Variants in SEM1 observed in about 807,000 individuals in gnomAD.
The protein encoded by SEM1 is 26S proteasome complex subunit SEM1.
A neutral mutation model predicts 12.7 loss-of-function variants in SEM1; 3 were observed. The ratio of observed to expected loss-of-function variants is 0.24; its 90% CI spans 0.11 to 0.61. The LOEUF (loss-of-function observed/expected upper bound fraction) is 0.61. Ranked by LOEUF, SEM1 falls within the 20% of genes least tolerant of loss-of-function variation. The probability of loss-of-function intolerance (pLI) is 0.88; values close to 1 mark genes in which losing one functional copy is unlikely to be tolerated. For synonymous variants in SEM1, 30 were observed against 27.8 expected, an observed-to-expected ratio of 1.08 and a Z score of -0.25; for missense variants, 59 against 81.3, an observed-to-expected ratio of 0.73 and a Z score of 1.06.
At chr7:96,515,156 A>G (rs1370911988) in intron 2 of SEM1, among the ~76,000 whole-genome samples, 1 of 152,186 alleles carries the variant, frequency 6.6e-6, no homozygotes, top group Non-Finnish European at 1.5e-5. Context: ...CAGTCTTTCA[A>G]CAAATGGTGC....
intron 2 of SEM1, among the ~76,000 whole-genome samples, chr7:96,557,821 T>C (rs893527426): frequency 6.6e-6 from 1 of 152,078 alleles, no homozygotes; most frequent in Admixed American, 6.6e-5. Context: ...GATCTCAGAC[T>C]GCTGTGCTAG....
In SEM1 at chr7:96,709,110, C is replaced by G. The variant is rs76972038; in HGVS notation, c.76+578G>C. ...GATTACAGGCGTGAGCCACCACACC[C>G]GGCAAGTTTTAGGGTCTTATAAAGC... is the stretch of plus-strand genomic sequence containing the variant. On this transcript the variant is annotated intron_variant, in intron 1 of 2. Transcript: ENST00000248566. Among the ~76,000 whole-genome samples, 205 of 152,226 alleles carry G rather than the reference C, an allele frequency of 1.3e-3. 5 individuals are homozygous for G. In the East Asian group the frequency reaches 0.036, roughly 27 times the overall value.
At chr7:96,519,196 A>C (rs1020418241) in intron 2 of SEM1, among the ~76,000 whole-genome samples, 3 of 152,152 alleles carry the variant, frequency 2.0e-5, no homozygotes, top group Admixed American at 2.0e-4. Flanking sequence ...AGGAATGGGA[A>C]CAATCTTGAA....
chr7:96,590,459 G>T (rs191697407), intron 2 of SEM1, among the ~76,000 whole-genome samples: 2 of 152,220 alleles, frequency 1.3e-5, no homozygotes, highest in East Asian at 3.9e-4. Context: ...TTATATAAAA[G>T]TACAGATACA....
chr7:96,652,219 G>A (rs1421721296), intron 2 of SEM1, among the ~76,000 whole-genome samples: 1 of 151,836 alleles, frequency 6.6e-6, no homozygotes, highest in Non-Finnish European at 1.5e-5. Flanking sequence ...AATATTTATT[G>A]CTTTATTTTA....
chr7:96,580,628 C>T (rs1366243166), intron 2 of SEM1, among the ~76,000 whole-genome samples: 3 of 151,796 alleles, frequency 2.0e-5, no homozygotes, highest in South Asian at 2.1e-4. Context: ...CTCTCCAGCA[C>T]TTGTTGTTTC....
intron 2 of SEM1, among the ~76,000 whole-genome samples, chr7:96,589,884 C>T (rs1274040291): frequency 6.6e-6 from 1 of 152,052 alleles, no homozygotes; most frequent in East Asian, 1.9e-4. Context: ...CTGCAGATGA[C>T]TTGAGTAATG....
exon 1 of SEM1, chr7:96,496,299 C>G (rs1174837499): frequency 1.3e-6 from 2 of 1,520,634 alleles, no homozygotes; most frequent in Non-Finnish European, 1.8e-6. Flanking sequence ...AATACATGTT[C>G]TTCCTTCAGA....
intron 2 of SEM1, among the ~76,000 whole-genome samples, chr7:96,654,275 G>C (rs908970351): frequency 6.6e-6 from 1 of 151,808 alleles, no homozygotes; most frequent in Non-Finnish European, 1.5e-5. Context: ...TCAGATTTGA[G>C]TAGAAAGAGC....
intron 2 of SEM1, among the ~76,000 whole-genome samples, chr7:96,612,582 G>A (rs933219341): frequency 1.3e-5 from 2 of 152,294 alleles, no homozygotes; most frequent in Admixed American, 6.5e-5. Flanking sequence ...TCAGAATCTC[G>A]AGTTGAGAGG....
chr7:96,503,333 T>C (rs1411952174), intron 3 of SEM1: 1 of 152,154 alleles, frequency 6.6e-6, no homozygotes, highest in East Asian at 1.9e-4. Context: ...TTGAATATAA[T>C]AGCACAGACT....
chr7:96,687,871 T>C (rs539239307), downstream of SEM1: 1 of 152,232 alleles, frequency 6.6e-6, no homozygotes, highest in African/African-American at 2.4e-5. Context: ...CTTATTCCAT[T>C]TGATCATCTA....
At chr7:96,692,504 T>G (rs1346795904) in intron 2 of SEM1, among the ~76,000 whole-genome samples, 1 of 152,104 alleles carries the variant, frequency 6.6e-6, no homozygotes, top group East Asian at 1.9e-4. Context: ...GGAATGTATA[T>G]TTTTCAAAAG....
chr7:96,543,743 A>T (rs1465901309), intron 2 of SEM1, among the ~76,000 whole-genome samples: 2 of 151,998 alleles, frequency 1.3e-5, no homozygotes, highest in Non-Finnish European at 2.9e-5. Context: ...TGTTGCATTG[A>T]CTACCAAATA....
chr7:96,678,639 T>C (rs1789515792), intron 2 of SEM1, among the ~76,000 whole-genome samples: 1 of 152,140 alleles, frequency 6.6e-6, no homozygotes, highest in Admixed American at 6.6e-5. Flanking sequence ...TAGAGCCTCA[T>C]ACTCACACCC....
At chr7:96,676,631 A>C (rs1306728834) in intron 2 of SEM1, among the ~76,000 whole-genome samples, 3 of 152,220 alleles carry the variant, frequency 2.0e-5, no homozygotes, top group Non-Finnish European at 2.9e-5. Flanking sequence ...ATTGAGAGAT[A>C]TCACGGAACG....
intron 2 of SEM1, among the ~76,000 whole-genome samples, chr7:96,606,594 G>A (rs982712322): frequency 1.3e-5 from 2 of 152,200 alleles, no homozygotes; most frequent in African/African-American, 4.8e-5. Flanking sequence ...AGAAAAAAAA[G>A]TATTTATTTT....
intron 2 of SEM1, among the ~76,000 whole-genome samples, chr7:96,662,504 C>T (rs982507893): frequency 5.1e-4 from 78 of 152,124 alleles, no homozygotes; most frequent in Middle Eastern, 3.4e-3. Flanking sequence ...GAACATCACA[C>T]GCTGGGGCCT....
chr7:96,622,636 A>G, exon 3 of SEM1: 1 of 764,812 alleles, frequency 1.3e-6, no homozygotes, highest in Non-Finnish European at 2.4e-6. Context: ...AGTTCACTGT[A>G]TCCAGCCCTG....
Sources: allele counts gnomAD v4.1 joint callset (sites outside exome capture counted in the v4.1 genomes callset), GRCh38; gene constraint gnomAD v4.1.1; transcripts MANE v1.5; gene names NCBI Gene and HGNC (gene_info 2026-07-23, HGNC 2026-07-21).